The following UNC13A variants were observed in gnomAD, a reference collection of about 807,000 sequenced individuals.
UNC13A encodes the protein protein unc-13 homolog A.
Under a neutral mutation model 219.7 loss-of-function variants are expected in UNC13A, and 61 were observed. That is an observed-to-expected ratio of 0.28 (90% confidence interval 0.23 to 0.34). The LOEUF (loss-of-function observed/expected upper bound fraction) is 0.34. Ranked by LOEUF, UNC13A falls within the 10% of genes least tolerant of loss-of-function variation. UNC13A has a pLI of 1.00. For missense variants in UNC13A, 1,476 were observed against 2,270.3 expected (o/e 0.65, Z 7.11); for synonymous variants, 920 against 884.6 (o/e 1.04, Z -0.71).
At chr19:17,615,317 G>A (rs893171962) in intron 41 of UNC13A, among the ~76,000 whole-genome samples, 5 of 152,048 alleles carry the variant, frequency 3.3e-5, no homozygotes, top group African/African-American at 4.8e-5. Context: ...AGGAGGTGGC[G>A]GCTGCAGTGA....
chr19:17,609,124 A>AT (rs71162159), intron 43 of UNC13A, among the ~76,000 whole-genome samples: 12,567 of 128,278 alleles, frequency 0.098, 705 homozygotes, highest in Middle Eastern at 0.19. Context: ...CACCCGGCTA[A>AT]TTTTTTTTTT....
intron 31 of UNC13A, 161 bp from the exon 32 acceptor site, chr19:17,628,101 G>A: frequency 1.5e-6 from 1 of 656,894 alleles, no homozygotes; most frequent in Admixed American, 2.6e-5. Context: ...TTGTGCTCAG[G>A]TTCCTGGGCG....
chr19:17,625,014 C>T, intron 34 of UNC13A, 62 bp from the exon 35 acceptor site: 1 of 1,577,770 alleles, frequency 6.3e-7, no homozygotes, highest in African/African-American at 1.3e-5. Context: ...GATCACCTTC[C>T]CTTAACAGGT....
chr19:17,607,862 C>A (rs2076550785), intron 43 of UNC13A, among the ~76,000 whole-genome samples: 2 of 150,994 alleles, frequency 1.3e-5, no homozygotes, highest in African/African-American at 4.9e-5. Flanking sequence ...CATCCATCTA[C>A]CCCCGTGAAC....
In UNC13A at chr19:17,649,682, G is replaced by A. The variant is rs981538017; in HGVS notation, c.1440-95C>T. 27 of 1,369,398 alleles carry A rather than the reference G, an allele frequency of 2.0e-5. No individual in the cohort carries two copies. The Admixed American group carries it at 3.7e-4, about 19-fold the overall frequency. 84.8% of individuals were successfully genotyped at this position (1,369,398 alleles called of 1,614,324 possible). On this transcript the variant is annotated intron_variant, in intron 12 of 43. Transcript: ENST00000519716. The surrounding 1 kb of genome is among the most constrained non-coding windows in gnomAD (Gnocchi z 4.4). ...TTCAACCTCCCCCAGGTGTTAAGGGGTTGAATTGGGTCCCTCAAAAAAAAG... is the reference window on the plus strand; with the variant it reads ...TTCAACCTCCCCCAGGTGTTAAGGGATTGAATTGGGTCCCTCAAAAAAAAG...
intron 35 of UNC13A, 30 bp from the exon 36 acceptor site, chr19:17,623,577 G>A (rs758845545): frequency 2.5e-6 from 3 of 1,194,208 alleles, no homozygotes; most frequent in African/African-American, 1.6e-5. Flanking sequence ...CGGGGCGGTG[G>A]GGGAGGGGGG....
chr19:17,675,057 G>C (rs1054589407), intron 2 of UNC13A, among the ~76,000 whole-genome samples: 2 of 152,244 alleles, frequency 1.3e-5, no homozygotes, highest in Non-Finnish European at 2.9e-5. Context: ...GCTGGGTGCA[G>C]TGGCTCGCGC....
chr19:17,628,216 C>A, intron 31 of UNC13A: 1 of 496,632 alleles, frequency 2.0e-6, no homozygotes, highest in South Asian at 2.7e-5. Context: ...GCTGGGAACT[C>A]TGGGAGTAGC....
chr19:17,679,368 C>A (rs1427078113), intron 1 of UNC13A, among the ~76,000 whole-genome samples: 4 of 151,774 alleles, frequency 2.6e-5, no homozygotes, highest in Non-Finnish European at 5.9e-5. Context: ...CCATTGCACT[C>A]CAGCCTGGGC....
At chr19:17,617,168 C>T (rs920980839) in intron 41 of UNC13A, among the ~76,000 whole-genome samples, 2 of 152,080 alleles carry the variant, frequency 1.3e-5, no homozygotes, top group Admixed American at 6.6e-5. Flanking sequence ...AAAGTTCCCA[C>T]CCATGGACCT....
intron 26 of UNC13A, among the ~76,000 whole-genome samples, chr19:17,634,253 C>T (rs567040320): frequency 1.1e-4 from 16 of 152,270 alleles, no homozygotes; most frequent in Admixed American, 6.5e-5. Context: ...TCCACCTATC[C>T]ATCCATCCCT....
Position 17,656,266 on chromosome 19 carries a change from G to A in UNC13A, c.900C>T (p.Ser300=). The A allele has an allele frequency of 6.4e-7, 1 of 1,551,892 alleles. No individual in the cohort carries two copies. The highest frequency in any genetic ancestry group is 8.7e-7 in the Non-Finnish European group (1 of 1,147,142). ...TGACCGAGCTGTGGCAGGAGTGGTAGGAGTCCCGGTCCCGCTCATCCTCCA... is the reference window on the plus strand; with the variant it reads ...TGACCGAGCTGTGGCAGGAGTGGTAAGAGTCCCGGTCCCGCTCATCCTCCA... ...SDMEDERDRD[S]YHSCHSSVSY... Residue 300 remains serine, a synonymous_variant, in exon 10 of 44, where the codon TCC becomes TCT. Transcript: ENST00000519716.
chr19:17,671,811 T>C (rs530232727), intron 4 of UNC13A, among the ~76,000 whole-genome samples: 1 of 152,168 alleles, frequency 6.6e-6, no homozygotes, highest in East Asian at 1.9e-4. Context: ...ACATCACTAC[T>C]ACCTGCTGAC....
At chr19:17,618,253 T>C (rs2076689586) in intron 40 of UNC13A, among the ~76,000 whole-genome samples, 168 bp downstream of exon 40, 1 of 152,240 alleles carries the variant, frequency 6.6e-6, no homozygotes, top group South Asian at 2.1e-4. Context: ...CTGGGGCTCC[T>C]TAAGGCTCCA....
In UNC13A at chr19:17,605,347, T is replaced by TG. The variant is rs2076510269; in HGVS notation, c.*706dup. ...TCTATGATATGAGGACTGGGTTTGT[T>TG]GGGGGAGAGGGAGAGGCAAACTCCC... On this transcript the variant is annotated 3_prime_UTR_variant, in exon 44 of 44. Transcript: ENST00000519716. 6.6e-6 allele frequency: 1 copy of TG among 152,604 alleles called. No individual in the cohort carries two copies. The highest frequency in any genetic ancestry group is 1.5e-5 in the Non-Finnish European group (1 of 68,050). 9.5% of individuals were successfully genotyped at this position (152,604 alleles called of 1,614,324 possible).
intron 12 of UNC13A, among the ~76,000 whole-genome samples, chr19:17,651,971 C>G (rs2079357079): frequency 6.6e-6 from 1 of 152,130 alleles, no homozygotes; most frequent in Admixed American, 6.6e-5. Context: ...AAACAACTAT[C>G]TTTAATTAAA....
In UNC13A at chr19:17,627,883, C is replaced by T. The variant is rs1001675833; in HGVS notation, c.3811G>A (p.Glu1271Lys). Residue 1271 changes from glutamate to lysine, a missense_variant, in exon 32 of 44, where the codon GAA (glutamate) becomes AAA (lysine). This residue lies in a region of UNC13A where 218 missense variants were observed against 409.4 expected (regional missense o/e 0.53). Coordinates refer to ENST00000519716, the MANE Select transcript of UNC13A (RefSeq NM_001080421.3). This position sits in a 1 kb window ranked among gnomAD's most constrained non-coding sequence, Gnocchi z 4.7. ...QLRVQLEKMF[E>K]AMGGKELDAE... ...CTCACCTCCTTTCCTCCCATGGCTT[C>T]GAACATCTTCTCCAGCTGAACTCGT... 1.2e-6 allele frequency: 2 copies of T among 1,604,498 alleles called. No individual in the cohort carries two copies. The highest frequency in any genetic ancestry group is 2.2e-5 in the East Asian group (1 of 44,670).
intron 8 of UNC13A, among the ~76,000 whole-genome samples, chr19:17,659,929 T>C (rs2079523043): frequency 6.6e-6 from 1 of 152,188 alleles, no homozygotes. Flanking sequence ...AGACAGGGTC[T>C]CTCTCACTTG....
At chr19:17,614,610 G>T (rs1268957146) in intron 41 of UNC13A, among the ~76,000 whole-genome samples, 1 of 152,080 alleles carries the variant, frequency 6.6e-6, no homozygotes, top group African/African-American at 2.4e-5. Flanking sequence ...TCAGAGGTGA[G>T]GGTGGGAGGT....
Sources: gnomAD v4.1 joint callset for allele counts (sites outside exome capture counted in the v4.1 genomes callset) on GRCh38, gnomAD v4.1.1 for gene constraint, gnomAD v4.1.1 regional missense constraint, Gnocchi (gnomAD v3.1) non-coding constraint, MANE v1.5 for transcripts, NCBI Gene and HGNC (gene_info 2026-07-23, HGNC 2026-07-21) for gene names.